The following SLPI variants were observed in gnomAD, a reference collection of about 807,000 sequenced individuals.
SLPI encodes secretory leukocyte peptidase inhibitor, also known as antileukoproteinase.
Under a neutral mutation model 14.3 loss-of-function variants are expected in SLPI, and 20 were observed. That is an observed-to-expected ratio of 1.40 (90% CI 0.99 to 2.04). The LOEUF is 2.04. Ranked by LOEUF, SLPI falls within the 30% of genes most tolerant of loss-of-function variation. SLPI has a pLI of 0.00. For missense variants in SLPI, 169 were observed against 159.4 expected (o/e 1.06, Z -0.32); for synonymous variants, 68 against 54.8 (o/e 1.24, Z -1.07).
chr20:45,252,820 C>T (rs548048197), intron 3 of SLPI, among the ~76,000 whole-genome samples, 182 bp downstream of exon 3: 5 of 152,248 alleles, frequency 3.3e-5, no homozygotes, highest in East Asian at 1.9e-4. Context: ...AAGCCACAGG[C>T]GATCCTATGG....
At chr20:45,254,366 A>T in intron 1 of SLPI, 93 bp downstream of exon 1, 1 of 1,043,014 alleles carries the variant, frequency 9.6e-7, no homozygotes, top group South Asian at 1.4e-5. Flanking sequence ...AAGCTGAGGG[A>T]TCAGAGCCTA....
chr20:45,252,559 A>G lies in SLPI; in HGVS notation c.395-140T>C, dbSNP rs1984691908. ...TAGTTGAGAGAGACTTAGTGTCAGG[A>G]GACAAGTCTCATTTTCACCGTAAAA... On this transcript the variant is annotated intron_variant, in intron 3 of 3. Coordinates refer to ENST00000338380, the MANE Select transcript of SLPI (RefSeq NM_003064.4). 4 of 819,514 alleles carry G rather than the reference A, an allele frequency of 4.9e-6. No homozygotes were observed. The Admixed American group carries it at 1.0e-4, about 21-fold the overall frequency. The allele number at this position is 819,514 out of a possible 1,614,324, so 50.8% of individuals were successfully genotyped here.
rs1410596916 is a variant in SLPI at position 45,252,329 on chromosome 20, A to T, written c.*86T>A. The stretch of plus-strand genomic sequence containing the variant: ...GTGCCAAGCCTTTCCCCAAAGGAGG[A>T]TATCAGTGGTGGAGCCAAGTCTCAG... On this transcript the variant is annotated 3_prime_UTR_variant, in exon 4 of 4. Coordinates refer to ENST00000338380, the MANE Select transcript of SLPI (RefSeq NM_003064.4). 7.5e-7 allele frequency: 1 copy of T among 1,329,636 alleles called. No homozygotes were observed. The highest frequency in any genetic ancestry group is 1.1e-6 in the Non-Finnish European group (1 of 939,186). 82.4% of individuals were successfully genotyped at this position (1,329,636 alleles called of 1,614,324 possible).
chr20:45,253,294 A>G (rs921984992), intron 2 of SLPI, 143 bp from the exon 3 acceptor site: 3 of 1,039,256 alleles, frequency 2.9e-6, no homozygotes, highest in Middle Eastern at 6.4e-4. Flanking sequence ...CCTTCTCCCT[A>G]AGGCGGCCCC....
chr20:45,253,747 A>T lies in SLPI; in HGVS notation c.86-14T>A, dbSNP rs1410957243. On this transcript the variant is annotated splice_polypyrimidine_tract_variant and intron_variant, in intron 1 of 3. Transcript: ENST00000338380. ...CAGCTTTGAAGGCTTTTGAAGAGAA[A>T]GTCAAGAGGTCAGGAGGAGGCTGGG... 1 of 1,612,264 alleles carries T rather than the reference A, an allele frequency of 6.2e-7. No homozygotes were observed. The highest frequency in any genetic ancestry group is 2.2e-5 in the East Asian group (1 of 44,866).
rs752751800 is a variant in SLPI at position 45,254,441 on chromosome 20, A to T, written c.85+18T>A. The T allele has an allele frequency of 1.9e-6, 3 of 1,611,588 alleles. No individual in the cohort carries two copies. In the South Asian group the frequency reaches 3.3e-5, roughly 18 times the overall value. On this transcript the variant is annotated intron_variant, in intron 1 of 3. Transcript: ENST00000338380. ...CTGACCCTGCAGCCCAGATTAGACC[A>T]GAGTGACTCCAACTTACACTTTCCA... is the stretch of plus-strand genomic sequence containing the variant.
intron 1 of SLPI, 152 bp downstream of exon 1, chr20:45,254,307 G>A: frequency 1.5e-6 from 1 of 646,920 alleles, no homozygotes; most frequent in East Asian, 2.9e-5. Flanking sequence ...CACAAACCTT[G>A]GAGCTCAGCC....
At chr20:45,252,978 A>T in intron 3 of SLPI, 24 bp downstream of exon 3, 3 of 1,610,700 alleles carry the variant, frequency 1.9e-6, no homozygotes, top group Non-Finnish European at 2.5e-6. Flanking sequence ...GAGGGAGCTC[A>T]GTGTGCCCTC....
chr20:45,252,469 A>T (rs1984689571), intron 3 of SLPI, 50 bp from the exon 4 acceptor site: 1 of 1,604,980 alleles, frequency 6.2e-7, no homozygotes, highest in Non-Finnish European at 8.5e-7. Flanking sequence ...CAGCCAAATC[A>T]TATCCACATC....
chr20:45,253,673 G>A lies in SLPI; in HGVS notation c.146C>T (p.Pro49Leu). The A allele has an allele frequency of 6.2e-7, 1 of 1,614,102 alleles. No homozygotes were observed. Among genetic ancestry groups the A allele is most frequent in the Non-Finnish European group, 8.5e-7 (1 of 1,179,940 alleles). The change falls in exon 2 of 4, where the codon CCT becomes CTT. Residue 49 changes from proline to leucine, a missense_variant. Transcript: ENST00000338380. ...ACACTGCCAGTCACTCTGGCACTCAGGTTTCTTGTATCTAAGGCACTGGGC... is the reference window on the plus strand; with the variant it reads ...ACACTGCCAGTCACTCTGGCACTCAAGTTTCTTGTATCTAAGGCACTGGGC... ...KSAQCLRYKK[P>L]ECQSDWQCPG...
chr20:45,252,628 T>G (rs554213755), intron 3 of SLPI, among the ~76,000 whole-genome samples: 2 of 152,246 alleles, frequency 1.3e-5, no homozygotes, highest in Non-Finnish European at 2.9e-5. Flanking sequence ...CAAACTCCAC[T>G]GATCCTTTGT....
intron 3 of SLPI, 34 bp from the exon 4 acceptor site, chr20:45,252,453 A>G: frequency 6.2e-7 from 1 of 1,613,080 alleles, no homozygotes. Flanking sequence ...GCTTCAGCAT[A>G]GAAACCAGCC....
Position 45,253,619 on chromosome 20 carries a change from G to C in SLPI, c.200C>G (p.Thr67Ser). The change falls in exon 2 of 4, where the codon ACT (threonine) becomes AGT (serine). Residue 67 changes from threonine to serine, a missense_variant. Physicochemically the swap from Thr to Ser is moderately conservative, Grantham distance 58. Coordinates refer to ENST00000338380, the MANE Select transcript of SLPI (RefSeq NM_003064.4). ...AGGATCCAGGCATTTGATGCCACAA[G>C]TGTCAGGACAACATCTCTTCTTCCC... is the stretch of plus-strand genomic sequence containing the variant. The part of the protein sequence containing the change: ...CPGKKRCCPD[T>S]CGIKCLDPVD... 6.2e-7 allele frequency: 1 copy of C among 1,614,206 alleles called. No individual in the cohort carries two copies. The highest frequency in any genetic ancestry group is 8.5e-7 in the Non-Finnish European group (1 of 1,180,028).
In SLPI at chr20:45,254,198, TGAGAGAGA is replaced by T. The variant is rs144801825; in HGVS notation, c.85+253_85+260del. On this transcript the variant is annotated intron_variant, in intron 1 of 3. Transcript: ENST00000338380. ...GACAGGTGAAGAAGAAGGCGGAGTA[TGAGAGAGA>T]GAGAGAGAGAGAGAGAGAGAGAGAG... 6.7e-3 allele frequency among the ~76,000 whole-genome samples: 914 copies of T among 135,412 alleles called. 10 individuals are homozygous for T. The highest frequency in any genetic ancestry group is 0.023 in the African/African-American group (820 of 35,648). The allele number at this position is 135,412 out of a possible 152,430, so 88.8% of individuals were successfully genotyped here. A position where few individuals can be genotyped will look rare whatever the true frequency, so the allele number is the denominator to read the frequency against.
chr20:45,253,700 G>C lies in SLPI; in HGVS notation c.119C>G (p.Ser40Cys), dbSNP rs781307766. The change falls in exon 2 of 4, where the codon TCT (serine) becomes TGT (cysteine). Residue 40 changes from serine (S) to cysteine (C), a missense_variant. Physicochemically the swap from Ser to Cys is moderately radical, Grantham distance 112. Coordinates refer to ENST00000338380, the MANE Select transcript of SLPI (RefSeq NM_003064.4). ...TTTCTTGTATCTAAGGCACTGGGCA[G>C]ATTTCTTAGGAGGACAGACTCCAGC... Reference protein sequence around the residue: ...FKAGVCPPKKSAQCLRYKKPE... With the variant: ...FKAGVCPPKKCAQCLRYKKPE... The C allele has an allele frequency of 1.9e-6, 3 of 1,614,170 alleles. No homozygotes were observed. The highest frequency in any genetic ancestry group is 2.2e-5 in the South Asian group (2 of 91,080).
At chr20:45,253,877 T>A (rs2145611321) in intron 1 of SLPI, 144 bp from the exon 2 acceptor site, 1 of 669,492 alleles carries the variant, frequency 1.5e-6, no homozygotes, top group Middle Eastern at 4.2e-4. Context: ...GCCTGCCTGA[T>A]CTCCAGGTGT....
Position 45,253,150 on chromosome 20 carries a change from T to G in SLPI, c.246A>C (p.Thr82=). ...CTGGGCACTTCCCAGGCTTCCTCCTTGCTGGGTGAGAGTGAGGCTACCGGT... is the reference window on the plus strand; with the variant it reads ...CTGGGCACTTCCCAGGCTTCCTCCTGGCTGGGTGAGAGTGAGGCTACCGGT... The part of the protein sequence containing the change: ...CLDPVDTPNP[T]RRKPGKCPVT... Residue 82 remains threonine (T), a splice_region_variant and synonymous_variant, in exon 3 of 4, where the codon ACA becomes ACC. Coordinates refer to ENST00000338380, the MANE Select transcript of SLPI (RefSeq NM_003064.4). 1 of 1,613,786 alleles carries G rather than the reference T, an allele frequency of 6.2e-7. No homozygotes were observed.
chr20:45,253,549 T>C (rs1272538322), intron 2 of SLPI, 26 bp downstream of exon 2: 1 of 1,606,066 alleles, frequency 6.2e-7, no homozygotes. Context: ...CTCACTCCTC[T>C]CTACCCAGTT....
Position 45,253,083 on chromosome 20 carries a change from A to G in SLPI, c.313T>C (p.Cys105Arg). 1 of 1,614,184 alleles carries G rather than the reference A, an allele frequency of 6.2e-7. No homozygotes were observed. Among genetic ancestry groups the G allele is most frequent in the Non-Finnish European group, 8.5e-7 (1 of 1,180,016 alleles). ...QCLMLNPPNFCEMDGQCKRDL... is the reference protein window; with the variant it reads ...QCLMLNPPNFREMDGQCKRDL... Reference sequence around the variant, plus strand: ...CGCTTGCACTGGCCATCCATCTCACAGAAATTGGGGGGGTTAAGCATCAAA... The same window carrying G: ...CGCTTGCACTGGCCATCCATCTCACGGAAATTGGGGGGGTTAAGCATCAAA... The change falls in exon 3 of 4, where the codon TGT becomes CGT. Residue 105 changes from cysteine to arginine, a missense_variant. By Grantham distance (180) the Cys-to-Arg change is radical. Transcript: ENST00000338380.
Sources: gnomAD v4.1 joint callset for allele counts (sites outside exome capture counted in the v4.1 genomes callset) on GRCh38, gnomAD v4.1.1 for gene constraint, MANE v1.5 for transcripts, NCBI Gene and HGNC (gene_info 2026-07-23, HGNC 2026-07-21) for gene names.